The following RTEL1 variants were observed in gnomAD, a reference collection of about 807,000 sequenced individuals.
The protein encoded by RTEL1 is regulator of telomere elongation helicase 1.
In RTEL1, 86 loss-of-function variants were observed where a neutral mutation model predicts 162.2. The observed-to-expected ratio is 0.53, with a 90% confidence interval of 0.45 to 0.63. The LOEUF (loss-of-function observed/expected upper bound fraction) is 0.63, where lower values mean the gene tolerates loss of function less well. RTEL1 is among the 30% of genes least tolerant of loss of function. The pLI is 0.00. For missense variants in RTEL1, 1,941 were observed against 1,750.2 expected (o/e 1.11, Z -1.95); for synonymous variants, 958 against 717.9 (o/e 1.33, Z -5.35).
At position 63,661,282 on chromosome 20, in the gene RTEL1, T is replaced by C; in HGVS notation, c.103-16T>C. On this transcript the variant is annotated splice_polypyrimidine_tract_variant and intron_variant, in intron 2 of 34. Coordinates refer to ENST00000360203, the MANE Select transcript of RTEL1 (RefSeq NM_001283009.2). The surrounding 1 kb of genome is among the most constrained non-coding windows in gnomAD (Gnocchi z 5.1). ...TTCCTGGCTTCCCCGTAACCCTTGC[T>C]CCGAACTCCGTTCAGAAGGTGAATG... is the stretch of plus-strand genomic sequence containing the variant. 6.2e-7 allele frequency: 1 copy of C among 1,610,354 alleles called. No individual in the cohort carries two copies. The highest frequency in any genetic ancestry group is 8.5e-7 in the Non-Finnish European group (1 of 1,179,028).
At position 63,689,020 on chromosome 20, in the gene RTEL1, G is replaced by GC. The variant is rs773923676; in HGVS notation, c.1801-35_1801-34insC. ...ATGGGGGAGGAAGGGGCTGGGGGGGGGCTCCAGGCTCAGCCTCACCAACTT... is the reference window on the plus strand; with the variant it reads ...ATGGGGGAGGAAGGGGCTGGGGGGGGCGCTCCAGGCTCAGCCTCACCAACTT... On this transcript the variant is annotated intron_variant, in intron 21 of 34. Coordinates refer to ENST00000360203, the MANE Select transcript of RTEL1 (RefSeq NM_001283009.2). 6 of 1,578,666 alleles carry GC rather than the reference G, an allele frequency of 3.8e-6. No individual in the cohort carries two copies. In the Admixed American group the frequency reaches 5.0e-5, roughly 13 times the overall value.
intron 2 of RTEL1, among the ~76,000 whole-genome samples, chr20:63,660,371 T>G (rs547745713): frequency 3.3e-5 from 5 of 152,286 alleles, no homozygotes; most frequent in African/African-American, 1.2e-4. Context: ...AGGGCAGAGG[T>G]CCCTGCGGCT....
rs562726926 is a variant in RTEL1 at position 63,693,397 on chromosome 20, G to A, written c.2992+114G>A. ...GGGCCCTGCTTGGCCCCGCCTCTCT[G>A]TTCCCCTATGGGAGTGATGGGGGCC... On this transcript the variant is annotated intron_variant, in intron 30 of 34. Transcript: ENST00000360203. The A allele has an allele frequency of 1.7e-5, 22 of 1,323,844 alleles. No homozygotes were observed. The East Asian group carries it at 4.0e-4, about 24-fold the overall frequency. 82.0% of individuals were successfully genotyped at this position (1,323,844 alleles called of 1,614,324 possible).
At chr20:63,659,108 C>A in intron 1 of RTEL1, 125 bp from the exon 2 acceptor site, 1 of 354,738 alleles carries the variant, frequency 2.8e-6, no homozygotes, top group Non-Finnish European at 5.3e-6. Context: ...GCCAGCTCCT[C>A]GAGATGGGAT....
Position 63,690,790 on chromosome 20 carries a change from C to G in RTEL1, c.2414-15C>G. On this transcript the variant is annotated splice_polypyrimidine_tract_variant and intron_variant, in intron 26 of 34. Coordinates refer to ENST00000360203, the MANE Select transcript of RTEL1 (RefSeq NM_001283009.2). The stretch of plus-strand genomic sequence containing the variant: ...CCCCCCGTGGGCTTCACTGCGCACT[C>G]GGGTGCCCCTGCAGGGTCACCAGCT... The G allele has an allele frequency of 6.3e-7, 1 of 1,595,078 alleles. No individual in the cohort carries two copies. Among genetic ancestry groups the G allele is most frequent in the South Asian group, 1.1e-5 (1 of 88,584 alleles).
At chr20:63,685,726 A>C in intron 15 of RTEL1, 65 bp from the exon 16 acceptor site, 1 of 1,587,318 alleles carries the variant, frequency 6.3e-7, no homozygotes, top group Admixed American at 1.8e-5. Context: ...TCTGGTCCTA[A>C]AAGGTAAGGG....
Position 63,689,839 on chromosome 20 carries a change from C to T in RTEL1, c.2115C>T (p.Tyr705=), listed in dbSNP as rs756940973. ...IGRVIRHRQD[Y]GAVFLCDHRF... is the part of the protein sequence containing the mutation. ...GAGTGATCCGGCACCGCCAGGACTA[C>T]GGAGCTGTCTTCCTCTGTGACCACA... The change falls in exon 24 of 35, where the codon TAC becomes TAT. Residue 705 remains tyrosine (Y), a synonymous_variant. Coordinates refer to ENST00000360203, the MANE Select transcript of RTEL1 (RefSeq NM_001283009.2). The T allele has an allele frequency of 1.8e-5, 29 of 1,610,672 alleles. 1 individual carries two copies. Among genetic ancestry groups the T allele is most frequent in the South Asian group, 1.1e-4 (10 of 91,074 alleles).
Position 63,661,978 on chromosome 20 carries a change from C to T in RTEL1, c.395+35C>T, listed in dbSNP as rs369425380. ...ACGAGTTTACACCTGTCTCGGGGTC[C>T]TCAAGAGAACCAGCTTGGCATGGTG... On this transcript the variant is annotated intron_variant, in intron 4 of 34. Transcript: ENST00000360203. The surrounding 1 kb of genome is among the most constrained non-coding windows in gnomAD (Gnocchi z 5.1). 168 of 1,497,306 alleles carry T rather than the reference C, an allele frequency of 1.1e-4. No homozygotes were observed. The highest frequency in any genetic ancestry group is 1.3e-4 in the Non-Finnish European group (139 of 1,073,968). 92.8% of individuals were successfully genotyped at this position (1,497,306 alleles called of 1,614,324 possible).
At position 63,694,725 on chromosome 20, in the gene RTEL1, G is replaced by A; in HGVS notation, c.3110-16G>A. ...CCACCCCAGCGCCACTCTGAGCCAT[G>A]CTACTCCCACACCAGGAGACCCTGG... On this transcript the variant is annotated splice_polypyrimidine_tract_variant and intron_variant, in intron 31 of 34. Transcript: ENST00000360203. 1 of 1,586,254 alleles carries A rather than the reference G, an allele frequency of 6.3e-7. No individual in the cohort carries two copies. The highest frequency in any genetic ancestry group is 8.6e-7 in the Non-Finnish European group (1 of 1,165,674).
intron 9 of RTEL1, among the ~76,000 whole-genome samples, chr20:63,673,059 T>C (rs1401018219): frequency 1.3e-5 from 2 of 151,980 alleles, no homozygotes; most frequent in African/African-American, 2.4e-5. Context: ...ATCACACCAC[T>C]GCATTCCAGC....
intron 8 of RTEL1, among the ~76,000 whole-genome samples, chr20:63,669,306 A>G (rs1365531340): frequency 6.6e-6 from 1 of 152,248 alleles, no homozygotes; most frequent in Non-Finnish European, 1.5e-5. Context: ...ACCTAAATGT[A>G]AAAGCTAAAC....
At chr20:63,682,113 C>T in intron 14 of RTEL1, 1 of 985,460 alleles carries the variant, frequency 1.0e-6, no homozygotes, top group African/African-American at 1.7e-5. Context: ...TGGAATACAG[C>T]TTCCCAGGCT....
At position 63,666,059 on chromosome 20, in the gene RTEL1, C is replaced by T. The variant is rs774564498; in HGVS notation, c.594C>T (p.Val198=). The change falls in exon 7 of 35, where the codon GTC becomes GTT. Residue 198 remains valine (V), a synonymous_variant. Coordinates refer to ENST00000360203, the MANE Select transcript of RTEL1 (RefSeq NM_001283009.2). ...CCATCCTGGACATTGAGGACTTGGTCAAGAGCGGAAGCAAGCACAGGTGAG... is the reference window on the plus strand; with the variant it reads ...CCATCCTGGACATTGAGGACTTGGTTAAGAGCGGAAGCAAGCACAGGTGAG... ...ASPILDIEDL[V]KSGSKHRVCP... 12 of 1,613,994 alleles carry T rather than the reference C, an allele frequency of 7.4e-6. No individual in the cohort carries two copies. Among genetic ancestry groups the T allele is most frequent in the African/African-American group, 2.7e-5 (2 of 74,928 alleles).
At chr20:63,689,221 G>T (rs868386207) in intron 22 of RTEL1, 89 bp downstream of exon 22, 5 of 1,296,870 alleles carry the variant, frequency 3.9e-6, no homozygotes, top group African/African-American at 1.5e-5. Context: ...GGCCCTGGGG[G>T]CTGCCCGGTC....
At chr20:63,687,500 A>C (rs2090623599) in intron 16 of RTEL1, 138 bp from the exon 17 acceptor site, 1 of 998,458 alleles carries the variant, frequency 1.0e-6, no homozygotes, top group Admixed American at 2.7e-5. Context: ...TGACTTCTGC[A>C]CAGTGGGCCT....
intron 20 of RTEL1, 39 bp from the exon 21 acceptor site, chr20:63,688,489 T>C: frequency 6.2e-7 from 1 of 1,606,178 alleles, no homozygotes; most frequent in Non-Finnish European, 8.5e-7. Context: ...ATCGGCGGCG[T>C]GACCAGGGCT....
rs777829976 is a variant in RTEL1 at position 63,689,522 on chromosome 20, C to T, written c.1899C>T (p.Phe633=). Residue 633 remains phenylalanine (F), a synonymous_variant, in exon 23 of 35, where the codon TTC becomes TTT. Coordinates refer to ENST00000360203, the MANE Select transcript of RTEL1 (RefSeq NM_001283009.2). ...CCTAGGCCAGCGAGGGGCTGGACTT[C>T]TCAGACACGAATGGCCGTGGTGTGA... ...CRGKASEGLD[F]SDTNGRGVIV... 1.9e-6 allele frequency: 3 copies of T among 1,607,660 alleles called. No homozygotes were observed. The highest frequency in any genetic ancestry group is 2.5e-6 in the Non-Finnish European group (3 of 1,177,890).
chr20:63,688,995 A>G, intron 21 of RTEL1, 60 bp from the exon 22 acceptor site: 1 of 1,445,294 alleles, frequency 6.9e-7, no homozygotes, highest in Non-Finnish European at 9.7e-7. Flanking sequence ...GGTCTCCCTC[A>G]TGGGGGAGGA....
intron 10 of RTEL1, among the ~76,000 whole-genome samples, 176 bp downstream of exon 10, chr20:63,674,269 G>A: frequency 6.6e-6 from 1 of 152,212 alleles, no homozygotes; most frequent in East Asian, 1.9e-4. Flanking sequence ...TGGTCGGCCT[G>A]GGCACCATCT....
Sources: gnomAD v4.1 joint callset for allele counts (sites outside exome capture counted in the v4.1 genomes callset) on GRCh38, gnomAD v4.1.1 for gene constraint, Gnocchi (gnomAD v3.1) non-coding constraint, MANE v1.5 for transcripts, NCBI Gene and HGNC (gene_info 2026-07-23, HGNC 2026-07-21) for gene names.